NDST3: variants seen among roughly 807,000 people sequenced by gnomAD.
NDST3 encodes the protein bifunctional heparan sulfate N-deacetylase/N-sulfotransferase 3.
Under a neutral mutation model 96.1 loss-of-function variants are expected in NDST3, and 58 were observed. The observed-to-expected ratio is 0.60, with a 90% CI of 0.49 to 0.75. The LOEUF (loss-of-function observed/expected upper bound fraction) is 0.75. Ranked by LOEUF, NDST3 falls within the 30% of genes least tolerant of loss-of-function variation. The probability of loss-of-function intolerance (pLI) is 0.00; values close to 1 mark genes in which losing one functional copy is unlikely to be tolerated. For synonymous variants in NDST3, 333 were observed against 359.7 expected (o/e 0.93, Z 0.84); for missense variants, 788 against 1,034.2 (o/e 0.76, Z 3.27).
intron 10 of NDST3, 103 bp from the exon 11 acceptor site, chr4:118,240,421 G>A (rs1304074905): frequency 2.1e-6 from 2 of 931,314 alleles, no homozygotes; most frequent in African/African-American, 3.3e-5. Flanking sequence ...CTCCAGCAGT[G>A]AGGCACTTCT....
chr4:118,222,001 A>C (rs1739578896), intron 6 of NDST3, among the ~76,000 whole-genome samples: 1 of 151,698 alleles, frequency 6.6e-6, no homozygotes, highest in African/African-American at 2.4e-5. Context: ...CTAAAAAAAA[A>C]AAAACAAAAA....
chr4:118,060,242 AT>A (rs1272551785), intron 2 of NDST3, among the ~76,000 whole-genome samples: 1 of 152,020 alleles, frequency 6.6e-6, no homozygotes, highest in Non-Finnish European at 1.5e-5. Flanking sequence ...TGCCTTCTAT[AT>A]TTTGAAGCTA....
chr4:118,249,091 A>T (rs925509051), intron 12 of NDST3, among the ~76,000 whole-genome samples: 5 of 152,330 alleles, frequency 3.3e-5, no homozygotes, highest in Middle Eastern at 3.4e-3. Context: ...ATAAGATCTA[A>T]TTAATTAGCC....
At chr4:118,165,396 G>A (rs527713552) in intron 6 of NDST3, among the ~76,000 whole-genome samples, 6 of 151,638 alleles carry the variant, frequency 4.0e-5, no homozygotes, top group South Asian at 2.1e-4. Context: ...AAATATAAAC[G>A]CATGCAAATT....
At chr4:118,055,031 C>T in intron 2 of NDST3, 140 bp downstream of exon 2, 1 of 999,338 alleles carries the variant, frequency 1.0e-6, no homozygotes, top group South Asian at 1.3e-5. Context: ...TTATCGCTCA[C>T]CCTAAATCAA....
At chr4:118,182,107 A>G (rs1736643936) in intron 6 of NDST3, among the ~76,000 whole-genome samples, 1 of 152,176 alleles carries the variant, frequency 6.6e-6, no homozygotes, top group Non-Finnish European at 1.5e-5. Flanking sequence ...TGCTAGCTAC[A>G]CATGGGGTTC....
chr4:118,250,232 T>C (rs888723949), intron 12 of NDST3, among the ~76,000 whole-genome samples: 2 of 152,222 alleles, frequency 1.3e-5, no homozygotes, highest in African/African-American at 4.8e-5. Flanking sequence ...GTGGGTCATA[T>C]AGTAGTTATG....
At chr4:118,063,637 A>C (rs35851865) in intron 2 of NDST3, among the ~76,000 whole-genome samples, 78,879 of 152,008 alleles carry the variant, frequency 0.52, 24,644 homozygotes, top group East Asian at 0.72. Flanking sequence ...AGTTACTCCC[A>C]AAATAGGTAA....
At chr4:118,112,709 C>T (rs1730739354) in intron 3 of NDST3, among the ~76,000 whole-genome samples, 1 of 152,088 alleles carries the variant, frequency 6.6e-6, no homozygotes, top group Non-Finnish European at 1.5e-5. Context: ...ACAAAGGTCA[C>T]CTTATTTATC....
intron 4 of NDST3, among the ~76,000 whole-genome samples, chr4:118,124,268 G>C (rs1467663867): frequency 6.6e-6 from 1 of 152,044 alleles, no homozygotes; most frequent in Non-Finnish European, 1.5e-5. Context: ...TCTGAAATAA[G>C]CACTCTGAAT....
intron 6 of NDST3, among the ~76,000 whole-genome samples, chr4:118,176,171 T>C (rs1736266700): frequency 6.6e-6 from 1 of 151,888 alleles, no homozygotes; most frequent in Non-Finnish European, 1.5e-5. Flanking sequence ...TTCTTGAATT[T>C]AAGTCTTAAA....
chr4:118,221,053 G>A (rs930617718), intron 6 of NDST3, among the ~76,000 whole-genome samples: 7 of 151,890 alleles, frequency 4.6e-5, no homozygotes, highest in African/African-American at 1.7e-4. Context: ...CAGGTACCAG[G>A]GCCTCCTCCA....
At chr4:118,093,176 T>G (rs1729018013) in intron 2 of NDST3, among the ~76,000 whole-genome samples, 1 of 152,028 alleles carries the variant, frequency 6.6e-6, no homozygotes, top group South Asian at 2.1e-4. Context: ...GGCATTTGAC[T>G]TCTAAGATAG....
chr4:118,187,510 A>T (rs902419827), intron 6 of NDST3, among the ~76,000 whole-genome samples: 1 of 152,212 alleles, frequency 6.6e-6, no homozygotes, highest in African/African-American at 2.4e-5. Context: ...GAACAAGGCT[A>T]ACATTTGTTG....
At chr4:118,209,804 C>A (rs547248408) in intron 6 of NDST3, among the ~76,000 whole-genome samples, 2 of 152,218 alleles carry the variant, frequency 1.3e-5, no homozygotes, top group Non-Finnish European at 2.9e-5. Flanking sequence ...TGTTAAGAAC[C>A]CTTTGCCAAA....
chr4:118,222,857 T>C (rs1417373996), intron 6 of NDST3, among the ~76,000 whole-genome samples: 4 of 151,964 alleles, frequency 2.6e-5, no homozygotes, highest in Admixed American at 2.0e-4. Flanking sequence ...GAATAAAATG[T>C]TTTCTGAGGT....
chr4:118,228,564 T>C (rs1355206692), intron 8 of NDST3, among the ~76,000 whole-genome samples: 1 of 152,260 alleles, frequency 6.6e-6, no homozygotes, highest in Non-Finnish European at 1.5e-5. Flanking sequence ...TTCTTTTTTA[T>C]AGAAATTGAT....
At chr4:118,048,635 G>A (rs143968448) in intron 1 of NDST3, among the ~76,000 whole-genome samples, 29 of 152,096 alleles carry the variant, frequency 1.9e-4, no homozygotes, top group Non-Finnish European at 3.8e-4. Context: ...ACAAAGAAGG[G>A]CAATACATAA....
intron 6 of NDST3, among the ~76,000 whole-genome samples, chr4:118,198,415 A>G (rs544405521): frequency 6.6e-6 from 1 of 152,336 alleles, no homozygotes; most frequent in South Asian, 2.1e-4. Flanking sequence ...CACTGTTTGC[A>G]TAAACAAACT....
Sources: allele counts gnomAD v4.1 joint callset (sites outside exome capture counted in the v4.1 genomes callset), GRCh38; gene constraint gnomAD v4.1.1; transcripts MANE v1.5; gene names NCBI Gene and HGNC (gene_info 2026-07-23, HGNC 2026-07-21).